Variants in PRKN observed in about 807,000 individuals in gnomAD.
PRKN encodes the protein parkin RBR E3 ubiquitin protein ligase.
PRKN carries 56 observed loss-of-function variants against 59.5 expected under a neutral mutation model. That is an observed-to-expected ratio of 0.94 (90% CI 0.76 to 1.18). The LOEUF (loss-of-function observed/expected upper bound fraction) is 1.18. PRKN is among the 50% of genes most tolerant of loss of function. The probability of loss-of-function intolerance (pLI) is 0.00; values close to 1 mark genes in which losing one functional copy is unlikely to be tolerated. For synonymous variants in PRKN, 250 were observed against 222.1 expected (o/e 1.13, Z -1.12); for missense variants, 657 against 596.4 (o/e 1.10, Z -1.06).
chr6:161,926,206 C>T (rs952277507), intron 6 of PRKN, among the ~76,000 whole-genome samples: 1 of 152,102 alleles, frequency 6.6e-6, no homozygotes, highest in East Asian at 1.9e-4. Flanking sequence ...GAAAGGCAGT[C>T]GGTGAGGGAG....
chr6:161,809,692 A>G (rs1791482609), intron 6 of PRKN, among the ~76,000 whole-genome samples: 1 of 152,198 alleles, frequency 6.6e-6, no homozygotes, highest in African/African-American at 2.4e-5. Context: ...TTAATTTCCT[A>G]TACTGATAAT....
intron 4 of PRKN, among the ~76,000 whole-genome samples, chr6:162,120,892 A>T (rs1473753795): frequency 5.3e-5 from 8 of 152,206 alleles, no homozygotes; most frequent in Admixed American, 5.2e-4. Flanking sequence ...CCATGCACAA[A>T]GCAGTTGGAC....
At chr6:161,684,266 A>G (rs887274190) in intron 7 of PRKN, among the ~76,000 whole-genome samples, 1 of 151,180 alleles carries the variant, frequency 6.6e-6, no homozygotes, top group African/African-American at 2.4e-5. Flanking sequence ...TATTATTACA[A>G]CTTTTTTTTG....
intron 1 of PRKN, among the ~76,000 whole-genome samples, chr6:162,525,532 C>T (rs60074916): frequency 0.15 from 22,956 of 152,104 alleles, 3,228 homozygotes; most frequent in African/African-American, 0.37. Context: ...TCCATCTCCT[C>T]GACTCCCTCC....
chr6:162,597,671 G>A (rs1477067531), intron 1 of PRKN, among the ~76,000 whole-genome samples: 1 of 152,082 alleles, frequency 6.6e-6, no homozygotes, highest in Non-Finnish European at 1.5e-5. Context: ...ACTCCCAACA[G>A]ACATAGATTG....
intron 1 of PRKN, among the ~76,000 whole-genome samples, chr6:162,580,893 C>T (rs969640691): frequency 3.3e-5 from 5 of 152,162 alleles, no homozygotes; most frequent in Admixed American, 1.3e-4. Context: ...TTCCTCCCCT[C>T]GCCCCAAAGT....
chr6:161,923,164 A>T (rs1778845228), intron 6 of PRKN, among the ~76,000 whole-genome samples: 1 of 152,216 alleles, frequency 6.6e-6, no homozygotes, highest in African/African-American at 2.4e-5. Flanking sequence ...CACTGAGTGA[A>T]TCCCCATCAC....
rs1041447212 is a variant in PRKN, at chr6:161,526,479, T to C, written c.1083+22375A>G. On this transcript the variant is annotated intron_variant, in intron 9 of 11. Coordinates refer to ENST00000366898, the MANE Select transcript of PRKN (RefSeq NM_004562.3). The surrounding 1 kb of genome is among the most constrained non-coding windows in gnomAD (Gnocchi z 4.1). ...ATTTTCCTATTGTCTTCTTTTTTGT[T>C]GTCCTGTCTTGCTAATTCTTTCTTG... is the stretch of plus-strand genomic sequence containing the variant. 6.6e-6 allele frequency among the ~76,000 whole-genome samples: 1 copy of C among 152,058 alleles called. No homozygotes were observed. The highest frequency in any genetic ancestry group is 2.4e-5 in the African/African-American group (1 of 41,448).
At chr6:162,031,799 G>A (rs1207771685) in intron 5 of PRKN, among the ~76,000 whole-genome samples, 1 of 152,048 alleles carries the variant, frequency 6.6e-6, no homozygotes, top group Non-Finnish European at 1.5e-5. Context: ...CAAAGTGCTG[G>A]GATTAGAGTT....
intron 1 of PRKN, among the ~76,000 whole-genome samples, chr6:162,498,818 G>A (rs1489264865): frequency 6.6e-6 from 1 of 152,018 alleles, no homozygotes; most frequent in Non-Finnish European, 1.5e-5. Context: ...GTAAAATGAG[G>A]TTTATGAGAA....
intron 3 of PRKN, among the ~76,000 whole-genome samples, chr6:162,219,564 TA>T (rs1327072398): frequency 6.8e-6 from 1 of 148,144 alleles, no homozygotes; most frequent in Non-Finnish European, 1.5e-5. Flanking sequence ...AGTTTTAAAA[TA>T]AAGATGAAAA....
intron 6 of PRKN, among the ~76,000 whole-genome samples, chr6:161,883,505 GA>G (rs1472460514): frequency 7.2e-6 from 1 of 138,844 alleles, no homozygotes; most frequent in African/African-American, 2.6e-5. Flanking sequence ...GAAGGGAAGG[GA>G]AGGTGGGGAG....
At chr6:161,647,337 T>C (rs1400479602) in intron 7 of PRKN, among the ~76,000 whole-genome samples, 2 of 152,228 alleles carry the variant, frequency 1.3e-5, no homozygotes, top group Non-Finnish European at 2.9e-5. Flanking sequence ...GTTAATAGCA[T>C]CTCGTCGACA....
In PRKN at chr6:161,641,074, C is replaced by A. The variant is rs571297234; in HGVS notation, c.872-71658G>T. On this transcript the variant is annotated intron_variant, in intron 7 of 11. Coordinates refer to ENST00000366898, the MANE Select transcript of PRKN (RefSeq NM_004562.3). ...TTCTCATCTCCAAGCTATCATTGTT[C>A]ATTCCCGGGCATAGGACAAACTGAC... 3.8e-4 allele frequency among the ~76,000 whole-genome samples: 58 copies of A among 152,306 alleles called. 1 individual carries two copies. The highest frequency in any genetic ancestry group is 1.4e-3 in the African/African-American group (57 of 41,572).
At chr6:161,762,166 A>G (rs4235931) in intron 7 of PRKN, among the ~76,000 whole-genome samples, 83,009 of 152,012 alleles carry the variant, frequency 0.55, 22,721 homozygotes, top group East Asian at 0.57. Flanking sequence ...GATGTGAGGC[A>G]ACAGTAAGAA....
Position 162,003,556 on chromosome 6 carries a change from A to G in PRKN, c.619-30139T>C, listed in dbSNP as rs962801995. Among the ~76,000 whole-genome samples the G allele has an allele frequency of 9.9e-5, 15 of 152,066 alleles. 1 individual carries two copies. The highest frequency in any genetic ancestry group is 4.2e-4 in the South Asian group (2 of 4,818). On this transcript the variant is annotated intron_variant, in intron 5 of 11. Coordinates refer to ENST00000366898, the MANE Select transcript of PRKN (RefSeq NM_004562.3). The stretch of plus-strand genomic sequence containing the variant: ...TGGGTGGGAGACTCATCATGCTACA[A>G]TGGTGCTGCTGAGTTCAACTATGTC...
intron 2 of PRKN, chr6:162,270,332 A>T (rs1276193989): frequency 6.6e-6 from 1 of 152,146 alleles, no homozygotes; most frequent in Non-Finnish European, 1.5e-5. Flanking sequence ...CAAAGACATA[A>T]GCATGATACA....
chr6:162,158,152 T>C (rs1268856120), intron 4 of PRKN, among the ~76,000 whole-genome samples: 1 of 152,044 alleles, frequency 6.6e-6, no homozygotes, highest in East Asian at 1.9e-4. Flanking sequence ...AATGAAAATT[T>C]TAAAAAGGAA....
chr6:161,817,300 T>C (rs1174744809), intron 6 of PRKN, among the ~76,000 whole-genome samples: 1 of 152,232 alleles, frequency 6.6e-6, no homozygotes, highest in Non-Finnish European at 1.5e-5. Context: ...TAGTGAATTG[T>C]GAGCCTCACT....
Sources: gnomAD v4.1 joint callset for allele counts (sites outside exome capture counted in the v4.1 genomes callset) on GRCh38, gnomAD v4.1.1 for gene constraint, Gnocchi (gnomAD v3.1) non-coding constraint, MANE v1.5 for transcripts, NCBI Gene and HGNC (gene_info 2026-07-23, HGNC 2026-07-21) for gene names.